Variants in SUSD4 observed in about 807,000 individuals in gnomAD.
SUSD4 encodes sushi domain containing 4.
In SUSD4, 41 loss-of-function variants were observed where a neutral mutation model predicts 50.5. The ratio of observed to expected loss-of-function variants is 0.81; its 90% confidence interval spans 0.63 to 1.05. The LOEUF is 1.05. Ranked by LOEUF, SUSD4 falls within the 50% of genes least tolerant of loss-of-function variation. SUSD4 has a pLI of 0.00. For synonymous variants in SUSD4, 257 were observed against 257.3 expected (o/e 1.00, Z 0.01); for missense variants, 580 against 634.7 (o/e 0.91, Z 0.93).
chr1:223,327,869 C>T (rs560907628), intron 2 of SUSD4, among the ~76,000 whole-genome samples: 1 of 152,150 alleles, frequency 6.6e-6, no homozygotes, highest in Non-Finnish European at 1.5e-5. Context: ...TTGGTCAAAC[C>T]CTCTAATCAT....
intron 2 of SUSD4, among the ~76,000 whole-genome samples, chr1:223,344,960 CAT>C (rs1667952464): frequency 6.6e-6 from 1 of 152,342 alleles, no homozygotes; most frequent in Non-Finnish European, 1.5e-5. Flanking sequence ...TCTTCACTTT[CAT>C]TTATAACTTA....
intron 4 of SUSD4, 116 bp from the exon 5 acceptor site, chr1:223,264,934 C>T: frequency 3.8e-6 from 4 of 1,049,090 alleles, no homozygotes; most frequent in Non-Finnish European, 5.4e-6. Flanking sequence ...GTGAAAATGG[C>T]ACCACCTCTG....
At chr1:223,320,621 A>G (rs1473460527) in intron 2 of SUSD4, among the ~76,000 whole-genome samples, 5 of 152,222 alleles carry the variant, frequency 3.3e-5, no homozygotes, top group African/African-American at 1.2e-4. Context: ...GACACACAGA[A>G]AGAATTCCTA....
chr1:223,298,578 C>T (rs1002775695), intron 2 of SUSD4, among the ~76,000 whole-genome samples: 4 of 152,104 alleles, frequency 2.6e-5, no homozygotes, highest in East Asian at 1.9e-4. Flanking sequence ...ACAAACAAGG[C>T]GTGCTGAAAG....
At chr1:223,246,384 G>A (rs1419950666) in intron 5 of SUSD4, among the ~76,000 whole-genome samples, 1 of 152,108 alleles carries the variant, frequency 6.6e-6, no homozygotes, top group Non-Finnish European at 1.5e-5. Context: ...GGGAGTAAAA[G>A]GGGATGGAAA....
In SUSD4 at chr1:223,231,392, G is replaced by A. The variant is rs1267707495; in HGVS notation, c.725-2004C>T. Among the ~76,000 whole-genome samples, 1 of 152,150 alleles carries A rather than the reference G, an allele frequency of 6.6e-6. No homozygotes were observed. The highest frequency in any genetic ancestry group is 2.4e-5 in the African/African-American group (1 of 41,432). On this transcript the variant is annotated intron_variant, in intron 5 of 8. Coordinates refer to ENST00000366878, the MANE Select transcript of SUSD4 (RefSeq NM_017982.4). This position sits in a 1 kb window ranked among gnomAD's most constrained non-coding sequence, Gnocchi z 4.2. ...GCTCAGTAAATGGTGGCTGTCAGGT[G>A]GCTGCTGTGAGCATCCCACAGGTGG...
At chr1:223,259,467 C>G (rs1457565537) in intron 5 of SUSD4, among the ~76,000 whole-genome samples, 1 of 152,190 alleles carries the variant, frequency 6.6e-6, no homozygotes, top group Non-Finnish European at 1.5e-5. Context: ...GTTCTTCTGA[C>G]CCTTGCAACC....
intron 5 of SUSD4, among the ~76,000 whole-genome samples, chr1:223,232,244 T>C (rs1659945216): frequency 1.3e-5 from 2 of 152,292 alleles, no homozygotes; most frequent in Non-Finnish European, 2.9e-5. Flanking sequence ...AGCTCTGATG[T>C]ATAGTATCCA....
At chr1:223,251,514 A>C (rs1446315220) in intron 5 of SUSD4, among the ~76,000 whole-genome samples, 1 of 152,204 alleles carries the variant, frequency 6.6e-6, no homozygotes. Context: ...TGAGATTTGG[A>C]GGAAATAACA....
rs374569112 is a variant in SUSD4 at position 223,230,035 on chromosome 1, GC to G, written c.725-648del. On this transcript the variant is annotated intron_variant, in intron 5 of 8. Transcript: ENST00000366878. ...TAAGCAGATCCCTTAACCTCTTTGA[GC>G]CTTGATTTTTCTCCTCTGTCAAATG... Among the ~76,000 whole-genome samples the G allele has an allele frequency of 5.0e-4, 76 of 152,292 alleles. No homozygotes were observed. The East Asian group carries it at 8.3e-3, about 17-fold the overall frequency.
intron 5 of SUSD4, among the ~76,000 whole-genome samples, chr1:223,241,154 C>T (rs1459724110): frequency 6.6e-6 from 1 of 152,196 alleles, no homozygotes; most frequent in Non-Finnish European, 1.5e-5. Context: ...CTGTGGTTAG[C>T]AAGTTTCCCT....
intron 4 of SUSD4, among the ~76,000 whole-genome samples, chr1:223,266,584 G>C: frequency 6.6e-6 from 1 of 152,150 alleles, no homozygotes; most frequent in East Asian, 1.9e-4. Flanking sequence ...TTAATCACAG[G>C]AGAAGGAAAG....
intron 8 of SUSD4, among the ~76,000 whole-genome samples, 186 bp downstream of exon 8, chr1:223,223,063 A>G (rs978098345): frequency 6.6e-6 from 1 of 152,226 alleles, no homozygotes; most frequent in African/African-American, 2.4e-5. Context: ...ATTCCCTACA[A>G]TAATTGGCCT....
At chr1:223,304,075 C>T (rs35737777) in intron 2 of SUSD4, among the ~76,000 whole-genome samples, 20,679 of 152,176 alleles carry the variant, frequency 0.14, 1,742 homozygotes, top group South Asian at 0.23. Flanking sequence ...CTAGAAGAGC[C>T]GTGGCAAGAT....
intron 2 of SUSD4, among the ~76,000 whole-genome samples, chr1:223,338,990 T>A (rs942304541): frequency 3.3e-5 from 5 of 151,838 alleles, no homozygotes; most frequent in African/African-American, 1.2e-4. Context: ...GGGAAGACTG[T>A]GTGGTGAGAG....
chr1:223,352,929 GCACCTCCCTCCCTCATGGAC>G (rs1251256305), intron 2 of SUSD4, among the ~76,000 whole-genome samples: 7 of 152,080 alleles, frequency 4.6e-5, no homozygotes, highest in African/African-American at 9.6e-5. Flanking sequence ...GATGCATGGA[GCACCTCCCTCCCTCATGGAC>G]CACCTCCCTC....
chr1:223,259,921 A>G (rs1317376264), intron 5 of SUSD4, among the ~76,000 whole-genome samples: 1 of 152,142 alleles, frequency 6.6e-6, no homozygotes, highest in African/African-American at 2.4e-5. Context: ...GAGCTCCACC[A>G]CACTTCAAAA....
chr1:223,315,649 T>C (rs1666142373), intron 2 of SUSD4, among the ~76,000 whole-genome samples: 1 of 152,202 alleles, frequency 6.6e-6, no homozygotes, highest in African/African-American at 2.4e-5. Flanking sequence ...CGCATTGCCG[T>C]GGTCTGGTTT....
chr1:223,356,970 A>T (rs147612884), intron 2 of SUSD4, among the ~76,000 whole-genome samples: 1 of 152,334 alleles, frequency 6.6e-6, no homozygotes, highest in African/African-American at 2.4e-5. Flanking sequence ...CACTCTTAGG[A>T]AGGCTCTAAG....
Sources: allele counts gnomAD v4.1 joint callset (sites outside exome capture counted in the v4.1 genomes callset), GRCh38; gene constraint gnomAD v4.1.1; non-coding constraint Gnocchi (gnomAD v3.1); transcripts MANE v1.5; gene names NCBI Gene and HGNC (gene_info 2026-07-23, HGNC 2026-07-21).